Variants in NAALADL2 observed in about 807,000 individuals in gnomAD.
NAALADL2 encodes the protein N-acetylated alpha-linked acidic dipeptidase like 2.
NAALADL2 carries 76 observed loss-of-function variants against 87.2 expected under a neutral mutation model. That is an observed-to-expected ratio of 0.87 (90% CI 0.72 to 1.05). The LOEUF is 1.05. Ranked by LOEUF, NAALADL2 falls within the 50% of genes least tolerant of loss-of-function variation. NAALADL2 has a pLI of 0.00. For missense variants in NAALADL2, 1,089 were observed against 945.8 expected, an observed-to-expected ratio of 1.15 and a Z score of -1.99; for synonymous variants, 354 against 331.0, an observed-to-expected ratio of 1.07 and a Z score of -0.75.
At chr3:175,351,700 C>A (rs552121700) in intron 5 of NAALADL2, among the ~76,000 whole-genome samples, 1 of 152,048 alleles carries the variant, frequency 6.6e-6, no homozygotes, top group African/African-American at 2.4e-5. Context: ...ATTGCGATAT[C>A]TTCAGGGTAT....
At chr3:175,256,585 T>C (rs1749985478) in intron 4 of NAALADL2, 55 bp downstream of exon 4, 3 of 1,559,102 alleles carry the variant, frequency 1.9e-6, no homozygotes, top group Non-Finnish European at 8.7e-7. Context: ...CTTGTTTTGT[T>C]GGAATTATAT....
intron 9 of NAALADL2, among the ~76,000 whole-genome samples, chr3:175,489,371 G>A (rs900804260): frequency 2.0e-5 from 3 of 152,172 alleles, no homozygotes; most frequent in Non-Finnish European, 4.4e-5. Flanking sequence ...GGTGTTCATA[G>A]CCATGTATAG....
At chr3:174,556,246 A>G in intron 2 of NAALADL2, among the ~76,000 whole-genome samples, 1 of 152,074 alleles carries the variant, frequency 6.6e-6, no homozygotes, top group Middle Eastern at 3.2e-3. Context: ...AAGTGGAATG[A>G]TTTGCCACCT....
intron 1 of NAALADL2, among the ~76,000 whole-genome samples, chr3:174,865,197 A>C (rs979299405): frequency 4.6e-5 from 7 of 152,044 alleles, no homozygotes; most frequent in Non-Finnish European, 8.8e-5. Flanking sequence ...CCAAAAAAAA[A>C]TAATAAAGTT....
chr3:174,468,915 A>G (rs1039702567), intron 1 of NAALADL2, among the ~76,000 whole-genome samples: 2 of 150,246 alleles, frequency 1.3e-5, no homozygotes, highest in African/African-American at 4.9e-5. Context: ...GGCACCCACC[A>G]CCATGCCTGG....
chr3:175,634,693 T>C (rs1728269635), intron 11 of NAALADL2, among the ~76,000 whole-genome samples: 1 of 152,014 alleles, frequency 6.6e-6, no homozygotes, highest in Non-Finnish European at 1.5e-5. Flanking sequence ...ATCTCTAATG[T>C]TGATAAATTG....
chr3:175,736,468 GAC>G (rs1744516593), intron 11 of NAALADL2, among the ~76,000 whole-genome samples: 1 of 152,164 alleles, frequency 6.6e-6, no homozygotes, highest in Admixed American at 6.5e-5. Flanking sequence ...TACCCGTGAA[GAC>G]ACACCAAACA....
intron 1 of NAALADL2, among the ~76,000 whole-genome samples, chr3:174,979,307 T>TTTC (rs1553909033): frequency 5.0e-5 from 7 of 140,386 alleles, no homozygotes; most frequent in African/African-American, 1.9e-4. Context: ...TTCTTTTCTT[T>TTTC]TTTTTTTTTT....
At chr3:175,467,233 C>CTA in intron 8 of NAALADL2, 49 bp downstream of exon 8, 1 of 1,487,724 alleles carries the variant, frequency 6.7e-7, no homozygotes, top group Non-Finnish European at 9.2e-7. Flanking sequence ...TCTTAGTTTG[C>CTA]TAAAGTAGAC....
chr3:174,832,659 G>T (rs1405287817), intron 3 of NAALADL2, among the ~76,000 whole-genome samples: 1 of 152,076 alleles, frequency 6.6e-6, no homozygotes, highest in Non-Finnish European at 1.5e-5. Flanking sequence ...GTAGAGACAG[G>T]GTTTCACCGT....
chr3:174,869,595 G>A (rs1399612784), intron 1 of NAALADL2, among the ~76,000 whole-genome samples: 2 of 152,172 alleles, frequency 1.3e-5, no homozygotes, highest in Non-Finnish European at 2.9e-5. Flanking sequence ...AGCAAAGGGT[G>A]AGTTTATTTG....
At chr3:174,731,131 A>T (rs184548822) in intron 2 of NAALADL2, among the ~76,000 whole-genome samples, 9 of 152,180 alleles carry the variant, frequency 5.9e-5, no homozygotes, top group Admixed American at 5.9e-4. Flanking sequence ...GAAAGGCAAC[A>T]TTTATGACTT....
intron 8 of NAALADL2, among the ~76,000 whole-genome samples, chr3:175,471,122 A>T (rs1045850977): frequency 2.0e-5 from 3 of 152,110 alleles, no homozygotes; most frequent in African/African-American, 7.2e-5. Context: ...TCTAACTCTT[A>T]CCACTCTTGT....
chr3:175,223,307 A>C (rs1186054424), intron 2 of NAALADL2, among the ~76,000 whole-genome samples: 2 of 151,268 alleles, frequency 1.3e-5, no homozygotes, highest in Non-Finnish European at 2.9e-5. Context: ...CCTCCCGGCA[A>C]CCACCATGCT....
chr3:174,938,011 C>G (rs1221377838), intron 1 of NAALADL2, among the ~76,000 whole-genome samples: 1 of 151,770 alleles, frequency 6.6e-6, no homozygotes, highest in Non-Finnish European at 1.5e-5. Flanking sequence ...AAACATATCC[C>G]CTAGTTTTTT....
rs186159571 is a variant in NAALADL2, at chr3:174,982,424, T to C, written c.44-114366T>C. ...ACTTTAGAGAGAGGCCTCTGATGAT[T>C]TGAGGATTCATTATTGAAGATTTTG... is the stretch of plus-strand genomic sequence containing the variant. On this transcript the variant is annotated intron_variant, in intron 1 of 13. Transcript: ENST00000454872. 8.5e-5 allele frequency among the ~76,000 whole-genome samples: 13 copies of C among 152,258 alleles called. No individual in the cohort carries two copies. In the East Asian group the frequency reaches 1.7e-3, roughly 20 times the overall value.
intron 13 of NAALADL2, among the ~76,000 whole-genome samples, chr3:175,760,178 T>C (rs1226420412): frequency 1.3e-5 from 2 of 152,172 alleles, no homozygotes; most frequent in African/African-American, 2.4e-5. Flanking sequence ...AGGTTGTTTT[T>C]AGAATTCCTC....
intron 5 of NAALADL2, among the ~76,000 whole-genome samples, chr3:175,429,362 C>A (rs898218627): frequency 1.3e-5 from 2 of 151,856 alleles, no homozygotes; most frequent in Non-Finnish European, 2.9e-5. Flanking sequence ...TATATGAATT[C>A]TTTGACTTTC....
At chr3:175,559,039 GA>G (rs1715826950) in intron 9 of NAALADL2, among the ~76,000 whole-genome samples, 1 of 151,858 alleles carries the variant, frequency 6.6e-6, no homozygotes, top group South Asian at 2.1e-4. Context: ...TAACAATATT[GA>G]TTTTTTTCAA....
Sources: gnomAD v4.1 joint callset for allele counts (sites outside exome capture counted in the v4.1 genomes callset) on GRCh38, gnomAD v4.1.1 for gene constraint, MANE v1.5 for transcripts, NCBI Gene and HGNC (gene_info 2026-07-23, HGNC 2026-07-21) for gene names.